Variants in CPSF4L observed in about 807,000 individuals in gnomAD.
CPSF4L encodes the protein cleavage and polyadenylation specific factor 4 like.
Under a neutral mutation model 24.0 loss-of-function variants are expected in CPSF4L, and 18 were observed. That is an observed-to-expected ratio of 0.75 (90% CI 0.52 to 1.11). The LOEUF is 1.11. Ranked by LOEUF, CPSF4L falls within the 50% of genes least tolerant of loss-of-function variation. The pLI, the probability that CPSF4L is intolerant of heterozygous loss-of-function variation, is 0.00. For missense variants in CPSF4L, 211 were observed against 221.8 expected (o/e 0.95, Z 0.31); for synonymous variants, 72 against 77.2 (o/e 0.93, Z 0.35).
At chr17:73,253,640 G>A (rs1236120434) in intron 4 of CPSF4L, among the ~76,000 whole-genome samples, 1 of 152,218 alleles carries the variant, frequency 6.6e-6, no homozygotes, top group East Asian at 1.9e-4. Flanking sequence ...CTATGGGCCT[G>A]ACCCTGTGTC....
intron 3 of CPSF4L, among the ~76,000 whole-genome samples, chr17:73,257,215 CAA>C (rs2062027374): frequency 6.6e-6 from 1 of 152,128 alleles, no homozygotes; most frequent in Non-Finnish European, 1.5e-5. Flanking sequence ...GGAAACAATG[CAA>C]AGTTTCTTCT....
rs1599415313 is a variant in CPSF4L at position 73,259,367 on chromosome 17, TTA to T, written c.155-1536_155-1535del. On this transcript the variant is annotated intron_variant, in intron 2 of 5. Coordinates refer to ENST00000344935, the MANE Select transcript of CPSF4L (RefSeq NM_001129885.1). ...TTTTTCCTTTTTTAAAAAAAAAAAA[TTA>T]TGTTTTGTAGAGATGGGGTCTCGCT... Among the ~76,000 whole-genome samples, 3 of 150,986 alleles carry T rather than the reference TTA, an allele frequency of 2.0e-5. No homozygotes were observed. The East Asian group carries it at 5.8e-4, about 29-fold the overall frequency.
intron 4 of CPSF4L, among the ~76,000 whole-genome samples, chr17:73,253,371 A>G (rs146527778): frequency 2.6e-5 from 4 of 152,268 alleles, no homozygotes; most frequent in Non-Finnish European, 2.9e-5. Flanking sequence ...CCACAATCCT[A>G]CTGATCTTCT....
At chr17:73,260,889 C>T (rs939198691) in intron 2 of CPSF4L, 44 bp downstream of exon 2, 1 of 1,519,026 alleles carries the variant, frequency 6.6e-7, no homozygotes. Context: ...CAGACAGACC[C>T]TACACTCACC....
intron 1 of CPSF4L, among the ~76,000 whole-genome samples, chr17:73,261,310 A>G (rs1285920858): frequency 6.6e-6 from 1 of 152,234 alleles, no homozygotes; most frequent in Non-Finnish European, 1.5e-5. Context: ...CACAGAAGAG[A>G]GAGACAGAGA....
intron 3 of CPSF4L, among the ~76,000 whole-genome samples, chr17:73,256,226 A>G (rs1186085923): frequency 6.6e-6 from 1 of 152,212 alleles, no homozygotes; most frequent in African/African-American, 2.4e-5. Flanking sequence ...TTTTATTACT[A>G]AAGTCACAGA....
chr17:73,259,354 TAA>T (rs59789741), intron 2 of CPSF4L, among the ~76,000 whole-genome samples: 4 of 150,166 alleles, frequency 2.7e-5, no homozygotes, highest in East Asian at 1.9e-4. Context: ...TTTCCTTTTT[TAA>T]AAAAAAAAAA....
At chr17:73,262,438 T>C (rs2062050896), upstream of CPSF4L, 1 of 152,276 alleles carries the variant, frequency 6.6e-6, no homozygotes, top group Admixed American at 6.5e-5. Flanking sequence ...ACTGAAACAG[T>C]TGGATGAATG....
the CPSF4L span, chr17:73,242,106 TC>T: frequency 6.2e-3 from 3,232 of 522,572 alleles, 17 homozygotes; most frequent in Non-Finnish European, 7.3e-3. Flanking sequence ...TTAGCTGCAG[TC>T]CAATGCAGAA....
chr17:73,257,113 A>G (rs1020393644), intron 3 of CPSF4L, among the ~76,000 whole-genome samples: 2 of 152,242 alleles, frequency 1.3e-5, no homozygotes, highest in African/African-American at 4.8e-5. Context: ...TGACCGCACA[A>G]GATGACTTTA....
Position 73,252,743 on chromosome 17 carries a change from T to C in CPSF4L, c.404-20A>G, listed in dbSNP as rs1300557591. Reference sequence around the variant, plus strand: ...GAGGACCTGCTGAGCAAAGAGAAAGTGATGAGAAGGATCCGCTTCAGCAAG... The same window carrying C: ...GAGGACCTGCTGAGCAAAGAGAAAGCGATGAGAAGGATCCGCTTCAGCAAG... On this transcript the variant is annotated intron_variant, in intron 4 of 5. Transcript: ENST00000344935. 2.7e-6 allele frequency: 4 copies of C among 1,506,474 alleles called. No homozygotes were observed. In the East Asian group the frequency reaches 9.8e-5, roughly 37 times the overall value. The allele number at this position is 1,506,474 out of a possible 1,614,324, so 93.3% of individuals were successfully genotyped here. A position where few individuals can be genotyped will look rare whatever the true frequency, so the allele number is the denominator to read the frequency against.
chr17:73,249,877 T>C (rs1259795367), intron 5 of CPSF4L: 1 of 176,784 alleles, frequency 5.7e-6, no homozygotes, highest in African/African-American at 2.4e-5. Flanking sequence ...TTTGAGTTAA[T>C]TGCCAGTTGA....
At chr17:73,245,259 T>TA, downstream of CPSF4L, 1 of 1,575,486 alleles carries the variant, frequency 6.3e-7, no homozygotes. Flanking sequence ...CTGCAATACA[T>TA]ACTTAACAGT....
chr17:73,253,843 C>T (rs761462685), intron 4 of CPSF4L, 88 bp downstream of exon 4: 54 of 799,208 alleles, frequency 6.8e-5, no homozygotes, highest in Non-Finnish European at 9.7e-5. Context: ...CAAGGCACAG[C>T]CTCATCAGGA....
chr17:73,242,510 T>TC, the CPSF4L span, among the ~76,000 whole-genome samples: 77,628 of 151,854 alleles, frequency 0.51, 19,933 homozygotes, highest in East Asian at 0.62. Flanking sequence ...ATTTTGGAGT[T>TC]GGACATAATT....
At chr17:73,247,226 A>C (rs375001243), downstream of CPSF4L, 103 of 1,609,580 alleles carry the variant, frequency 6.4e-5, no homozygotes, top group Non-Finnish European at 8.3e-5. Flanking sequence ...AATATTTACT[A>C]TCTGGCCTTT....
chr17:73,256,117 C>T (rs558040266), intron 3 of CPSF4L, among the ~76,000 whole-genome samples: 2 of 152,284 alleles, frequency 1.3e-5, no homozygotes, highest in South Asian at 2.1e-4. Context: ...TATCTGGGGG[C>T]GGAGGGGGAC....
chr17:73,243,098 T>TG, the CPSF4L span: 14 of 921,928 alleles, frequency 1.5e-5, no homozygotes, highest in Non-Finnish European at 2.1e-5. Context: ...TTTTTTTTTT[T>TG]TTTACAGCTT....
intron 5 of CPSF4L, chr17:73,249,925 G>A (rs1036779458): frequency 2.2e-5 from 5 of 229,388 alleles, no homozygotes; most frequent in Non-Finnish European, 3.4e-5. Context: ...GAGCTGCCAC[G>A]TGCAACCCAG....
Sources: allele counts gnomAD v4.1 joint callset (sites outside exome capture counted in the v4.1 genomes callset), GRCh38; gene constraint gnomAD v4.1.1; transcripts MANE v1.5; gene names NCBI Gene and HGNC (gene_info 2026-07-23, HGNC 2026-07-21).